Variants in ZFHX3 observed in about 807,000 individuals in gnomAD.
ZFHX3 encodes the protein zinc finger homeobox 3.
Under a neutral mutation model 279.1 loss-of-function variants are expected in ZFHX3, and 42 were observed. The observed-to-expected ratio is 0.15, with a 90% CI of 0.12 to 0.19. The LOEUF is 0.19. ZFHX3 is among the 10% of genes least tolerant of loss of function. The pLI is 1.00. For missense variants in ZFHX3, 4,981 were observed against 4,754.0 expected, an observed-to-expected ratio of 1.05 and a Z score of -1.40; for synonymous variants, 2,293 against 1,957.8, an observed-to-expected ratio of 1.17 and a Z score of -4.52.
At chr16:73,865,014 G>C (rs79229923) in intron 1 of ZFHX3, among the ~76,000 whole-genome samples, 2,013 of 152,300 alleles carry the variant, frequency 0.013, 44 homozygotes, top group African/African-American at 0.045. Context: ...CTTCTCTACT[G>C]CTGTTGGAAC....
At chr16:73,832,062 G>A (rs574772327) in intron 1 of ZFHX3, among the ~76,000 whole-genome samples, 9 of 152,076 alleles carry the variant, frequency 5.9e-5, no homozygotes, top group African/African-American at 9.6e-5. Flanking sequence ...CACCACACCC[G>A]GCTAATTTTT....
intron 5 of ZFHX3, among the ~76,000 whole-genome samples, chr16:73,218,764 G>A (rs549571038): frequency 6.6e-6 from 1 of 152,210 alleles, no homozygotes. Flanking sequence ...GCGAGACCCT[G>A]TCTCAAAAAA....
At chr16:73,366,976 G>T (rs918348727) in intron 3 of ZFHX3, among the ~76,000 whole-genome samples, 1 of 151,908 alleles carries the variant, frequency 6.6e-6, no homozygotes, top group African/African-American at 2.4e-5. Context: ...ATTTTTGTGC[G>T]GGCCCAGGAC....
At chr16:73,105,410 C>CACACACACACATATCTATATATAT (rs1200521848) in intron 7 of ZFHX3, among the ~76,000 whole-genome samples, 1 of 116,948 alleles carries the variant, frequency 8.6e-6, no homozygotes. Context: ...TATATATATA[C>CACACACACACATATCTATATATAT]ACACACACAT....
At chr16:73,697,932 G>C (rs1434632586) in intron 1 of ZFHX3, among the ~76,000 whole-genome samples, 2 of 152,064 alleles carry the variant, frequency 1.3e-5, no homozygotes, top group Non-Finnish European at 2.9e-5. Context: ...CCCAGATTTT[G>C]TTTTCTACAA....
chr16:73,576,727 A>T (rs825685), intron 2 of ZFHX3, among the ~76,000 whole-genome samples: 21,509 of 148,670 alleles, frequency 0.14, 1,632 homozygotes, highest in Non-Finnish European at 0.16. Context: ...AAAACAAAAA[A>T]CCTTCTATTT....
At chr16:72,891,537 GA>G (rs2038773972) in intron 3 of ZFHX3, among the ~76,000 whole-genome samples, 1 of 152,138 alleles carries the variant, frequency 6.6e-6, no homozygotes, top group African/African-American at 2.4e-5. Flanking sequence ...TCATTCCAAT[GA>G]TTCACTTTAG....
At chr16:73,242,177 T>C (rs1419027074) in intron 5 of ZFHX3, among the ~76,000 whole-genome samples, 1 of 152,142 alleles carries the variant, frequency 6.6e-6, no homozygotes, top group African/African-American at 2.4e-5. Context: ...CCTTACTTTA[T>C]AGAGGAGAAA....
chr16:73,631,006 G>T (rs571450132), intron 2 of ZFHX3, among the ~76,000 whole-genome samples: 1 of 141,126 alleles, frequency 7.1e-6, no homozygotes, highest in African/African-American at 2.7e-5. Flanking sequence ...AGTGATGTTC[G>T]CATTGTGGCA....
intron 5 of ZFHX3, among the ~76,000 whole-genome samples, chr16:73,242,470 A>T (rs1019693496): frequency 1.3e-5 from 2 of 152,220 alleles, no homozygotes; most frequent in African/African-American, 4.8e-5. Flanking sequence ...GGAACCACTG[A>T]GTGTGAGTTT....
At chr16:73,649,978 A>G (rs796378531) in intron 2 of ZFHX3, among the ~76,000 whole-genome samples, 16 of 152,180 alleles carry the variant, frequency 1.1e-4, no homozygotes, top group Admixed American at 3.9e-4. Context: ...AAATAGTTGT[A>G]TAAGGATAAA....
chr16:73,671,756 T>C (rs1325996799), intron 2 of ZFHX3, among the ~76,000 whole-genome samples: 1 of 152,202 alleles, frequency 6.6e-6, no homozygotes, highest in Admixed American at 6.5e-5. Flanking sequence ...AATTACTACT[T>C]TTCCTGGCTT....
At chr16:73,525,635 A>AAATACACC in intron 2 of ZFHX3, among the ~76,000 whole-genome samples, 1 of 152,304 alleles carries the variant, frequency 6.6e-6, no homozygotes, top group South Asian at 2.1e-4. Flanking sequence ...CACTAAGTCT[A>AAATACACC]AATACACCAC....
upstream of ZFHX3, among the ~76,000 whole-genome samples, chr16:73,049,385 G>C (rs1002567345): frequency 1.1e-4 from 17 of 152,210 alleles, no homozygotes; most frequent in African/African-American, 3.9e-4. Flanking sequence ...GAGGCGAAGA[G>C]CAGTATGTAT....
intron 3 of ZFHX3, among the ~76,000 whole-genome samples, chr16:72,892,223 A>G (rs1173257710): frequency 6.6e-6 from 1 of 152,248 alleles, no homozygotes; most frequent in Non-Finnish European, 1.5e-5. Flanking sequence ...TGAAGCCCTC[A>G]ATGACATAAA....
Position 72,950,871 on chromosome 16 carries a change from G to A in ZFHX3, c.2814C>T (p.Asn938=), listed in dbSNP as rs199635500. The change falls in exon 3 of 10, where the codon AAC becomes AAT. Residue 938 remains asparagine (N), a synonymous_variant. Transcript: ENST00000268489. ...MNLGESFIQT[N]DPSLKLFQCA... ...ACTGGAAGAGCTTCAGCGACGGGTC[G>A]TTGGTCTGGATGAAGCTCTCGCCCA... The A allele has an allele frequency of 1.9e-5, 30 of 1,613,932 alleles. No homozygotes were observed. Among genetic ancestry groups the A allele is most frequent in the African/African-American group, 6.7e-5 (5 of 74,920 alleles).
chr16:72,879,254 G>A (rs1597339031), intron 4 of ZFHX3, among the ~76,000 whole-genome samples: 1 of 152,200 alleles, frequency 6.6e-6, no homozygotes. Context: ...TCCTTTGGAT[G>A]GAAGTCCAGT....
At chr16:73,361,547 C>T (rs2016434057) in intron 3 of ZFHX3, among the ~76,000 whole-genome samples, 1 of 152,166 alleles carries the variant, frequency 6.6e-6, no homozygotes, top group African/African-American at 2.4e-5. Context: ...TTTATTTTCT[C>T]TCTTAAATAT....
At chr16:73,105,899 G>A (rs1000213477) in intron 7 of ZFHX3, among the ~76,000 whole-genome samples, 9 of 150,142 alleles carry the variant, frequency 6.0e-5, no homozygotes, top group Admixed American at 1.3e-4. Context: ...TTTCACCCCC[G>A]CATCTCTCCC....
Sources: gnomAD v4.1 joint callset for allele counts (sites outside exome capture counted in the v4.1 genomes callset) on GRCh38, gnomAD v4.1.1 for gene constraint, MANE v1.5 for transcripts, NCBI Gene and HGNC (gene_info 2026-07-23, HGNC 2026-07-21) for gene names.